RBM5: variants seen among roughly 807,000 people sequenced by gnomAD.
The protein encoded by RBM5 is RNA-binding protein 5.
A neutral mutation model predicts 124.6 loss-of-function variants in RBM5; 15 were observed. The observed-to-expected ratio is 0.12, with a 90% CI of 0.08 to 0.19. The LOEUF is 0.19. Among genes scored for constraint, RBM5 ranks in the 10% least tolerant of loss-of-function variants. The probability of loss-of-function intolerance (pLI) is 1.00; values close to 1 mark genes in which losing one functional copy is unlikely to be tolerated. For synonymous variants in RBM5, 337 were observed against 361.2 expected, an observed-to-expected ratio of 0.93 and a Z score of 0.76; for missense variants, 580 against 1,026.5, an observed-to-expected ratio of 0.57 and a Z score of 5.94.
rs1266326816 is a variant in RBM5, at chr3:50,099,029, C to T, written c.340-953C>T. Among the ~76,000 whole-genome samples, 9 of 152,036 alleles carry T rather than the reference C, an allele frequency of 5.9e-5. No individual in the cohort carries two copies. The East Asian group carries it at 7.7e-4, about 13-fold the overall frequency. ...TAGCACTTTGGGAGGCCAAGGTGGCCGGATCGCTTGAGCCCAGGAGTTCCA... is the reference window on the plus strand; with the variant it reads ...TAGCACTTTGGGAGGCCAAGGTGGCTGGATCGCTTGAGCCCAGGAGTTCCA... On this transcript the variant is annotated intron_variant, in intron 4 of 24. Transcript: ENST00000347869.
chr3:50,112,531 G>A (rs985915759), intron 17 of RBM5: 1 of 151,852 alleles, frequency 6.6e-6, no homozygotes, highest in African/African-American at 2.4e-5. Context: ...TGAGCGACTG[G>A]AAAATAGAGG....
In RBM5 at chr3:50,118,496, T is replaced by C. The variant is rs770926143; in HGVS notation, c.*40T>C. 52 of 1,600,404 alleles carry C rather than the reference T, an allele frequency of 3.2e-5. No homozygotes were observed. Among genetic ancestry groups the C allele is most frequent in the Non-Finnish European group, 4.1e-5 (48 of 1,172,306 alleles). On this transcript the variant is annotated 3_prime_UTR_variant, in exon 25 of 25. Transcript: ENST00000347869. ...GAGAGATGACAAGGAGCACAAGAAG[T>C]GGTCCATCTCCCGAATTCGCTGTTA...
intron 15 of RBM5, 92 bp from the exon 16 acceptor site, chr3:50,110,286 CA>C (rs1381357548): frequency 9.5e-7 from 1 of 1,048,434 alleles, no homozygotes; most frequent in Non-Finnish European, 1.4e-6. Flanking sequence ...GTGTGTCTGT[CA>C]GGGGAGCCCT....
chr3:50,089,737 G>C (rs150142057), intron 1 of RBM5: 28 of 152,674 alleles, frequency 1.8e-4, no homozygotes, highest in African/African-American at 6.3e-4. Flanking sequence ...GTCCAGCAGT[G>C]TGATGTCTTA....
intron 3 of RBM5, among the ~76,000 whole-genome samples, chr3:50,093,291 T>C (rs1192635472): frequency 6.7e-6 from 1 of 150,278 alleles, no homozygotes; most frequent in Non-Finnish European, 1.5e-5. Flanking sequence ...TACAAAAAAT[T>C]AGCTGGGCGT....
intron 8 of RBM5, 93 bp downstream of exon 8, chr3:50,104,401 G>C (rs972271312): frequency 5.7e-6 from 7 of 1,224,764 alleles, no homozygotes; most frequent in Admixed American, 5.3e-5. Context: ...ACTTTGCAAG[G>C]CCAAGGTGGG....
Position 50,115,476 on chromosome 3 carries a change from C to T in RBM5, c.1888C>T (p.Leu630=), listed in dbSNP as rs2091231103. The T allele has an allele frequency of 6.2e-7, 1 of 1,614,074 alleles. No homozygotes were observed. Residue 630 remains leucine, a synonymous_variant, in exon 21 of 25, where the codon CTG becomes TTG. Coordinates refer to ENST00000347869, the MANE Select transcript of RBM5 (RefSeq NM_005778.4). ...TGGTGACAGTGACAATGAGGAGGAGCTGGTGGAGAGACTTGAGAGTGAGGA... is the reference window on the plus strand; with the variant it reads ...TGGTGACAGTGACAATGAGGAGGAGTTGGTGGAGAGACTTGAGAGTGAGGA... ...YSGDSDNEEE[L]VERLESEEEK... is the part of the protein sequence containing the mutation.
At position 50,092,230 on chromosome 3, in the gene RBM5, A is replaced by G. The variant is rs760780600; in HGVS notation, c.183+22A>G. The G allele has an allele frequency of 3.4e-5, 55 of 1,606,172 alleles. 1 individual carries two copies. Among genetic ancestry groups the G allele is most frequent in the South Asian group, 1.1e-5 (1 of 90,828 alleles). On this transcript the variant is annotated intron_variant, in intron 3 of 24. Transcript: ENST00000347869. ...AGAGGTGAGTGACCAGCGGCTGTAT[A>G]ACCCCCCAAAACACTCTGAGCCTTA...
chr3:50,093,267 G>A (rs1479853695), intron 3 of RBM5, among the ~76,000 whole-genome samples: 1 of 151,112 alleles, frequency 6.6e-6, no homozygotes. Context: ...GTGAAACCCT[G>A]TCTCTACTAA....
chr3:50,098,273 TTTTTTTA>T (rs542549791), intron 4 of RBM5, among the ~76,000 whole-genome samples: 1 of 40,560 alleles, frequency 2.5e-5, no homozygotes. Flanking sequence ...CTTATTTTTA[TTTTTTTA>T]TTTTTTTAAA....
chr3:50,113,662 T>G, intron 18 of RBM5, 118 bp downstream of exon 18: 1 of 1,182,972 alleles, frequency 8.5e-7, no homozygotes, highest in Non-Finnish European at 1.2e-6. Context: ...CACATTTTAT[T>G]CATACTAAGT....
At chr3:50,094,352 G>A (rs1356947296) in intron 4 of RBM5, 1 of 152,322 alleles carries the variant, frequency 6.6e-6, no homozygotes, top group African/African-American at 2.4e-5. Flanking sequence ...TAGAGACGGG[G>A]TTTCACTGTG....
Position 50,116,840 on chromosome 3 carries a change from T to C in RBM5, c.2095-234T>C, listed in dbSNP as rs979922054. 3 of 511,148 alleles carry C rather than the reference T, an allele frequency of 5.9e-6. No individual in the cohort carries two copies. In the Admixed American group the frequency reaches 9.8e-5, roughly 17 times the overall value. 31.7% of individuals were successfully genotyped at this position (511,148 alleles called of 1,614,324 possible). On this transcript the variant is annotated intron_variant, in intron 22 of 24. Coordinates refer to ENST00000347869, the MANE Select transcript of RBM5 (RefSeq NM_005778.4). The stretch of plus-strand genomic sequence containing the variant: ...GGGTGGCTAATTAAATAAAACTGCT[T>C]GTTGGAGACATAGTTCTGCCCCTGG...
intron 4 of RBM5, among the ~76,000 whole-genome samples, chr3:50,096,120 G>A (rs547617790): frequency 2.0e-5 from 3 of 152,206 alleles, no homozygotes; most frequent in South Asian, 4.1e-4. Context: ...GTGACACAGA[G>A]CTATGGATCT....
intron 16 of RBM5, 108 bp downstream of exon 16, chr3:50,110,571 G>A: frequency 7.0e-7 from 1 of 1,435,254 alleles, no homozygotes; most frequent in Middle Eastern, 1.8e-4. Flanking sequence ...ACTTGGGGAT[G>A]TGAGACAGAG....
In RBM5 at chr3:50,118,746, C is replaced by G. The variant is rs1317798611; in HGVS notation, c.*290C>G. 1 of 370,292 alleles carries G rather than the reference C, an allele frequency of 2.7e-6. No individual in the cohort carries two copies. The allele number at this position is 370,292 out of a possible 1,614,324, so 22.9% of individuals were successfully genotyped here. ...TAATGTAGCGTGTTTACATGTGTAG[C>G]CTATGTTGTGGTCCATCAGCCCCTC... On this transcript the variant is annotated 3_prime_UTR_variant, in exon 25 of 25. Transcript: ENST00000347869.
chr3:50,107,668 T>C (rs2091060152), intron 12 of RBM5, 99 bp downstream of exon 12: 1 of 478,456 alleles, frequency 2.1e-6, no homozygotes, highest in Non-Finnish European at 3.5e-6. Flanking sequence ...AGCTCTTTTC[T>C]TTTCTTTTTT....
At chr3:50,113,267 C>A in intron 17 of RBM5, 116 bp from the exon 18 acceptor site, 1 of 1,107,254 alleles carries the variant, frequency 9.0e-7, no homozygotes, top group Non-Finnish European at 1.3e-6. Context: ...AGGGTCTTTT[C>A]TGGGCAGGAA....
Position 50,117,158 on chromosome 3 carries a change from G to A in RBM5, c.2179G>A (p.Asp727Asn), listed in dbSNP as rs1295310135. The A allele has an allele frequency of 6.2e-7, 1 of 1,614,214 alleles. No homozygotes were observed. The highest frequency in any genetic ancestry group is 1.7e-5 in the Admixed American group (1 of 60,030). Residue 727 changes from aspartate (D) to asparagine (N), a missense_variant, in exon 23 of 25, where the codon GAT becomes AAT. Physicochemically the swap from Asp to Asn is conservative, Grantham distance 23. Transcript: ENST00000347869. This position sits in a 1 kb window ranked among gnomAD's most constrained non-coding sequence, Gnocchi z 4.2. Reference sequence around the variant, plus strand: ...AGAGCCCAAGCGCAAGAAGCAGTTTGATGCCGGCACTGTGTATGTGATGTG... The same window carrying A: ...AGAGCCCAAGCGCAAGAAGCAGTTTAATGCCGGCACTGTGTATGTGATGTG... ...PPEPKRKKQFDAGTVNYEQPT... is the reference protein window; with the variant it reads ...PPEPKRKKQFNAGTVNYEQPT...
Sources: allele counts gnomAD v4.1 joint callset (sites outside exome capture counted in the v4.1 genomes callset), GRCh38; gene constraint gnomAD v4.1.1; non-coding constraint Gnocchi (gnomAD v3.1); transcripts MANE v1.5; gene names NCBI Gene and HGNC (gene_info 2026-07-23, HGNC 2026-07-21).